GLT1D1: variants seen among roughly 807,000 people sequenced by gnomAD.
GLT1D1 encodes the protein glycosyltransferase 1 domain-containing protein 1.
A neutral mutation model predicts 28.7 loss-of-function variants in GLT1D1; 21 were observed. The ratio of observed to expected loss-of-function variants is 0.73; its 90% CI spans 0.52 to 1.05. The LOEUF (loss-of-function observed/expected upper bound fraction) is 1.05. Ranked by LOEUF, GLT1D1 falls within the 50% of genes least tolerant of loss-of-function variation. The pLI is 0.00. For synonymous variants in GLT1D1, 147 were observed against 124.8 expected, an observed-to-expected ratio of 1.18 and a Z score of -1.19; for missense variants, 343 against 330.6, an observed-to-expected ratio of 1.04 and a Z score of -0.29.
intron 4 of GLT1D1, among the ~76,000 whole-genome samples, chr12:128,935,979 G>T (rs956380975): frequency 2.0e-5 from 3 of 151,988 alleles, no homozygotes; most frequent in African/African-American, 7.3e-5. Flanking sequence ...CAGCTACCTG[G>T]GTGCGCAGGA....
chr12:128,853,718 G>A, intron 1 of GLT1D1, 69 bp downstream of exon 1: 2 of 964,818 alleles, frequency 2.1e-6, no homozygotes, highest in African/African-American at 1.8e-5. Flanking sequence ...CGGGACCCGG[G>A]GACGCGGGGC....
intron 4 of GLT1D1, among the ~76,000 whole-genome samples, chr12:128,925,593 C>T (rs192744269): frequency 1.1e-4 from 17 of 152,206 alleles, no homozygotes; most frequent in African/African-American, 3.9e-4. Flanking sequence ...CATTGATGGG[C>T]GTTTGGGTTG....
intron 4 of GLT1D1, among the ~76,000 whole-genome samples, chr12:128,913,500 T>C (rs1404511999): frequency 6.6e-6 from 1 of 152,208 alleles, no homozygotes; most frequent in African/African-American, 2.4e-5. Flanking sequence ...GGGTTCCAGG[T>C]GTGAGCCACC....
intron 2 of GLT1D1, among the ~76,000 whole-genome samples, chr12:128,880,362 G>A (rs949780858): frequency 2.6e-5 from 4 of 152,126 alleles, no homozygotes; most frequent in African/African-American, 9.7e-5. Flanking sequence ...AATAAATATC[G>A]AGAACTGAAG....
chr12:128,933,989 C>A (rs549187126), intron 4 of GLT1D1, among the ~76,000 whole-genome samples: 1 of 152,224 alleles, frequency 6.6e-6, no homozygotes, highest in Non-Finnish European at 1.5e-5. Flanking sequence ...ACAGATTTAA[C>A]ACCCTGAATC....
chr12:128,956,171 A>AAAAAAAAAAAAAAAAAAAAAAAAG lies in GLT1D1; in HGVS notation c.541-1373_541-1372insAAAAAAAAAAAAAAAAAAAAAAGA, dbSNP rs374597920. ...GAGACTCCATCTCAAAAAAAAAAAAAAGAGAAAGAGAGAAAGAAAGAAAGA... is the reference window on the plus strand; with the variant it reads ...GAGACTCCATCTCAAAAAAAAAAAAAAAAAAAAAAAAAAAAAAAAAAAAGAGAGAAAGAGAGAAAGAAAGAAAGA... On this transcript the variant is annotated intron_variant, in intron 6 of 7. Coordinates refer to ENST00000281703, the MANE Select transcript of GLT1D1 (RefSeq NM_144669.3). Among the ~76,000 whole-genome samples the AAAAAAAAAAAAAAAAAAAAAAAAG allele has an allele frequency of 6.7e-4, 43 of 63,958 alleles. 6 individuals carry two copies. The highest frequency in any genetic ancestry group is 9.8e-4 in the African/African-American group (22 of 22,336). 42.0% of individuals were successfully genotyped at this position (63,958 alleles called of 152,430 possible).
intron 3 of GLT1D1, among the ~76,000 whole-genome samples, chr12:128,889,924 G>A (rs1868846525): frequency 6.6e-6 from 1 of 152,176 alleles, no homozygotes; most frequent in Non-Finnish European, 1.5e-5. Context: ...ATGGGCGCCT[G>A]CCACCACAGT....
At chr12:128,875,339 A>G (rs79072131) in intron 1 of GLT1D1, among the ~76,000 whole-genome samples, 7,274 of 152,284 alleles carry the variant, frequency 0.048, 258 homozygotes, top group Middle Eastern at 0.099. Flanking sequence ...TCCTGGGTCA[A>G]TCTTCCTTCC....
intron 3 of GLT1D1, among the ~76,000 whole-genome samples, chr12:128,892,229 G>A (rs550845510): frequency 6.6e-6 from 1 of 152,224 alleles, no homozygotes; most frequent in African/African-American, 2.4e-5. Context: ...CTTTAGCTTT[G>A]TGATTTGGGG....
At chr12:128,975,449 G>A (rs138173112) in intron 7 of GLT1D1, among the ~76,000 whole-genome samples, 1 of 108,030 alleles carries the variant, frequency 9.3e-6, no homozygotes, top group Non-Finnish European at 2.0e-5. Context: ...CTGTTTTTTT[G>A]TTTTTTATTT....
chr12:128,952,557 C>G (rs1426823065), intron 6 of GLT1D1, among the ~76,000 whole-genome samples: 1 of 151,446 alleles, frequency 6.6e-6, no homozygotes, highest in Non-Finnish European at 1.5e-5. Flanking sequence ...ACCTCCACCT[C>G]CCAGGTTCAA....
chr12:128,981,899 G>A (rs1022286214), intron 7 of GLT1D1, among the ~76,000 whole-genome samples: 1 of 152,162 alleles, frequency 6.6e-6, no homozygotes, highest in African/African-American at 2.4e-5. Context: ...TCACGTGAAG[G>A]GTAGGGTGTG....
chr12:128,970,151 G>A lies in GLT1D1; in HGVS notation c.639+12508G>A, dbSNP rs536323744. On this transcript the variant is annotated intron_variant, in intron 7 of 7. Transcript: ENST00000281703. ...AAGAGGATGGTGACATGTTGGCACT[G>A]GTAGAAGCCGGGCCAGGGTCTGTGG... Among the ~76,000 whole-genome samples, 4 of 152,308 alleles carry A rather than the reference G, an allele frequency of 2.6e-5. No individual in the cohort carries two copies. In the East Asian group the frequency reaches 7.7e-4, roughly 29 times the overall value.
At chr12:128,959,622 G>A (rs1300063972) in intron 7 of GLT1D1, among the ~76,000 whole-genome samples, 1 of 152,130 alleles carries the variant, frequency 6.6e-6, no homozygotes, top group Non-Finnish European at 1.5e-5. Flanking sequence ...TCTACAAAAG[G>A]TGTAGGTAGC....
chr12:128,888,571 C>T, intron 2 of GLT1D1, 68 bp from the exon 3 acceptor site: 1 of 1,018,326 alleles, frequency 9.8e-7, no homozygotes, highest in Non-Finnish European at 1.5e-6. Context: ...AAGATCCTTG[C>T]TTGGGAATGG....
At position 128,976,996 on chromosome 12, in the gene GLT1D1, A is replaced by G. The variant is rs971981545; in HGVS notation, c.640-5933A>G. Among the ~76,000 whole-genome samples, 3 of 152,298 alleles carry G rather than the reference A, an allele frequency of 2.0e-5. No individual in the cohort carries two copies. The South Asian group carries it at 6.2e-4, about 32-fold the overall frequency. ...CCCTGTCTCTACTGAAAAAACAAAA[A>G]TTAGTCGGGCGTGGTGGCACAAGCC... On this transcript the variant is annotated intron_variant, in intron 7 of 7. Transcript: ENST00000281703.
chr12:128,940,122 CTGTATTGGTAT>C (rs1438816192), intron 4 of GLT1D1, among the ~76,000 whole-genome samples: 1 of 151,742 alleles, frequency 6.6e-6, no homozygotes, highest in East Asian at 1.9e-4. Flanking sequence ...GTGGTGGGAT[CTGTATTGGTAT>C]TGTATTGGTA....
chr12:128,879,404 TTCTTTCTTTCTTTCTTTC>T (rs1956962191), intron 2 of GLT1D1, among the ~76,000 whole-genome samples: 1 of 93,276 alleles, frequency 1.1e-5, no homozygotes, highest in Non-Finnish European at 2.1e-5. Flanking sequence ...CTTTCTTTCT[TTCTTTCTTTCTTTCTTTC>T]TTTCTTTCTT....
chr12:128,915,973 T>C (rs934956009), intron 4 of GLT1D1, among the ~76,000 whole-genome samples: 1 of 152,090 alleles, frequency 6.6e-6, no homozygotes, highest in East Asian at 1.9e-4. Context: ...TCAAGATAGA[T>C]AACATTTCCA....
Sources: allele counts gnomAD v4.1 joint callset (sites outside exome capture counted in the v4.1 genomes callset), GRCh38; gene constraint gnomAD v4.1.1; transcripts MANE v1.5; gene names NCBI Gene and HGNC (gene_info 2026-07-23, HGNC 2026-07-21).